Variants in ERC2 observed in about 807,000 individuals in gnomAD.
ERC2 encodes ELKS/RAB6-interacting/CAST family member 2, also known as ERC protein 2.
Under a neutral mutation model 114.8 loss-of-function variants are expected in ERC2, and 42 were observed. The ratio of observed to expected loss-of-function variants is 0.37; its 90% CI spans 0.29 to 0.47. ERC2 has a LOEUF of 0.47. Ranked by LOEUF, ERC2 falls within the 20% of genes least tolerant of loss-of-function variation. ERC2 has a pLI of 0.99. For synonymous variants in ERC2, 454 were observed against 425.5 expected, an observed-to-expected ratio of 1.07 and a Z score of -0.82; for missense variants, 939 against 1,150.7, an observed-to-expected ratio of 0.82 and a Z score of 2.66.
intron 14 of ERC2, among the ~76,000 whole-genome samples, chr3:55,758,112 C>T (rs1358488057): frequency 6.6e-6 from 1 of 152,082 alleles, no homozygotes; most frequent in African/African-American, 2.4e-5. Context: ...GTGAATTGTG[C>T]CAGGTGATTC....
rs1299525697 is a variant in ERC2, at chr3:55,746,054, G to T, written c.2565-11136C>A. Among the ~76,000 whole-genome samples the T allele has an allele frequency of 2.0e-5, 3 of 152,086 alleles. No individual in the cohort carries two copies. In the East Asian group the frequency reaches 5.8e-4, roughly 29 times the overall value. ...TCCCTTCTTAATTTGAATATTTTGT[G>T]TTAAATCAAACCTTCCATTGTTTAT... is the stretch of plus-strand genomic sequence containing the variant. On this transcript the variant is annotated intron_variant, in intron 14 of 17. Transcript: ENST00000288221.
At chr3:56,343,182 T>TCACACACA (rs1285597860) in intron 2 of ERC2, among the ~76,000 whole-genome samples, 2 of 21,614 alleles carry the variant, frequency 9.3e-5, no homozygotes, top group Non-Finnish European at 2.8e-4. Context: ...TCTCTCTCTC[T>TCACACACA]CTCTCTCTCT....
intron 14 of ERC2, among the ~76,000 whole-genome samples, chr3:55,840,498 T>C (rs1054395376): frequency 5.9e-5 from 9 of 151,684 alleles, no homozygotes; most frequent in Non-Finnish European, 1.2e-4. Context: ...TGGTTAAGAT[T>C]TGAAGAAACT....
At chr3:55,769,960 G>C (rs1006530203) in intron 14 of ERC2, among the ~76,000 whole-genome samples, 1 of 152,146 alleles carries the variant, frequency 6.6e-6, no homozygotes, top group African/African-American at 2.4e-5. Context: ...CCTTTGCCAG[G>C]TGATTTGCAG....
intron 3 of ERC2, among the ~76,000 whole-genome samples, chr3:56,208,232 G>C (rs1284603298): frequency 6.6e-6 from 1 of 152,164 alleles, no homozygotes; most frequent in Non-Finnish European, 1.5e-5. Context: ...AGATGTCATA[G>C]GGCTGCCACC....
chr3:55,650,433 C>G (rs1177998753), intron 17 of ERC2, among the ~76,000 whole-genome samples: 5 of 152,196 alleles, frequency 3.3e-5, no homozygotes, highest in African/African-American at 1.2e-4. Context: ...CCGAGGGTCA[C>G]CTTCTCACAT....
At chr3:56,161,576 G>GCAGT (rs2082051190) in intron 4 of ERC2, among the ~76,000 whole-genome samples, 1 of 152,140 alleles carries the variant, frequency 6.6e-6, no homozygotes, top group African/African-American at 2.4e-5. Flanking sequence ...ATTTCTTTGA[G>GCAGT]CAGTGTTTTG....
chr3:56,267,047 A>G (rs949642484), intron 3 of ERC2, among the ~76,000 whole-genome samples: 4 of 152,194 alleles, frequency 2.6e-5, no homozygotes, highest in Non-Finnish European at 4.4e-5. Context: ...GCTTGGGACC[A>G]GAAGCATTTT....
At chr3:56,373,653 T>C (rs1236160801) in intron 2 of ERC2, among the ~76,000 whole-genome samples, 4 of 152,216 alleles carry the variant, frequency 2.6e-5, no homozygotes, top group African/African-American at 9.7e-5. Context: ...AATATTTTAG[T>C]CTTTGCTAGC....
Position 56,207,266 on chromosome 3 carries a change from T to G in ERC2, c.1075-33746A>C, listed in dbSNP as rs139675393. 1.9e-3 allele frequency among the ~76,000 whole-genome samples: 289 copies of G among 152,160 alleles called. 1 individual carries two copies. The highest frequency in any genetic ancestry group is 6.6e-3 in the African/African-American group (274 of 41,538). ...ATAACCTTTTCCCTAATTACAAAAG[T>G]AACATGATTTTTTAAATTAAAAAAA... On this transcript the variant is annotated intron_variant, in intron 3 of 17. Coordinates refer to ENST00000288221, the MANE Select transcript of ERC2 (RefSeq NM_015576.3).
intron 3 of ERC2, among the ~76,000 whole-genome samples, chr3:56,243,136 G>A (rs577118136): frequency 6.6e-6 from 1 of 152,224 alleles, no homozygotes; most frequent in Non-Finnish European, 1.5e-5. Context: ...GCCATCAGTT[G>A]CCTTTCACAC....
At chr3:56,246,186 T>C (rs1376923001) in intron 3 of ERC2, among the ~76,000 whole-genome samples, 1 of 152,058 alleles carries the variant, frequency 6.6e-6, no homozygotes, top group Admixed American at 6.6e-5. Flanking sequence ...TTGGCTAATT[T>C]ATCTTGACTT....
At position 56,457,516 on chromosome 3, in the gene ERC2, C is replaced by T. The variant is rs78352064; in HGVS notation, c.-141+10732G>A. On this transcript the variant is annotated intron_variant, in intron 1 of 17. Transcript: ENST00000288221. ...CAAAAGTAGGTAATTATTGCCATGA[C>T]GGTGAAATAAAAGGAGAATAAAGAG... Among the ~76,000 whole-genome samples the T allele has an allele frequency of 1.2e-4, 19 of 152,232 alleles. No homozygotes were observed. In the East Asian group the frequency reaches 2.1e-3, roughly 17 times the overall value.
intron 2 of ERC2, among the ~76,000 whole-genome samples, chr3:56,390,470 C>T (rs1044480968): frequency 6.6e-6 from 1 of 152,082 alleles, no homozygotes; most frequent in Non-Finnish European, 1.5e-5. Flanking sequence ...CAAAAAAGGG[C>T]GGCAAAGGAG....
At chr3:55,798,680 A>T (rs900250498) in intron 14 of ERC2, among the ~76,000 whole-genome samples, 8 of 152,174 alleles carry the variant, frequency 5.3e-5, no homozygotes, top group African/African-American at 1.9e-4. Context: ...TTCCACAGCA[A>T]CAGTGGAAGC....
chr3:55,750,294 A>G (rs2066607900), intron 14 of ERC2, among the ~76,000 whole-genome samples: 1 of 152,246 alleles, frequency 6.6e-6, no homozygotes, highest in East Asian at 1.9e-4. Context: ...TAAGCAAGGC[A>G]TAAGTAAAGT....
intron 1 of ERC2, among the ~76,000 whole-genome samples, chr3:56,460,727 A>T (rs1279444409): frequency 6.6e-6 from 1 of 152,226 alleles, no homozygotes; most frequent in African/African-American, 2.4e-5. Flanking sequence ...TAGATACTCA[A>T]TAAATACTTC....
At chr3:55,906,786 T>C (rs908491864) in intron 13 of ERC2, among the ~76,000 whole-genome samples, 9 of 152,170 alleles carry the variant, frequency 5.9e-5, no homozygotes, top group Non-Finnish European at 1.0e-4. Flanking sequence ...TGAACATTCA[T>C]CCTGGAAAAG....
At chr3:56,094,239 G>C (rs887619219) in intron 6 of ERC2, among the ~76,000 whole-genome samples, 20 of 152,202 alleles carry the variant, frequency 1.3e-4, no homozygotes, top group African/African-American at 4.8e-4. Flanking sequence ...TGCTGAAAGG[G>C]ACTCAGAAGG....
Sources: allele counts gnomAD v4.1 joint callset (sites outside exome capture counted in the v4.1 genomes callset), GRCh38; gene constraint gnomAD v4.1.1; transcripts MANE v1.5; gene names NCBI Gene and HGNC (gene_info 2026-07-23, HGNC 2026-07-21).